NUDT4: variants seen among roughly 807,000 people sequenced by gnomAD.
NUDT4 encodes diphosphoinositol polyphosphate phosphohydrolase 2.
In NUDT4, 5 loss-of-function variants were observed where a neutral mutation model predicts 23.1. The observed-to-expected ratio is 0.22, with a 90% confidence interval of 0.11 to 0.46. The LOEUF (loss-of-function observed/expected upper bound fraction) is 0.46, where lower values mean the gene tolerates loss of function less well. NUDT4 is among the 20% of genes least tolerant of loss of function. The probability of loss-of-function intolerance (pLI) is 0.99; values close to 1 mark genes in which losing one functional copy is unlikely to be tolerated. For missense variants in NUDT4, 96 were observed against 211.6 expected (o/e 0.45, Z 3.39); for synonymous variants, 50 against 79.0 (o/e 0.63, Z 1.95).
rs143224582 is a variant in NUDT4, at chr12:93,391,868, A to C, written c.100-2741A>C. Among the ~76,000 whole-genome samples the C allele has an allele frequency of 4.3e-3, 658 of 152,168 alleles. 7 individuals are homozygous for C. Among genetic ancestry groups the C allele is most frequent in the African/African-American group, 0.015 (637 of 41,490 alleles). Reference sequence around the variant, plus strand: ...ATAATTTTGTGGACACTTTTGTTCAAATTGACTTATTTATTTTTATTTTTT... The same window carrying C: ...ATAATTTTGTGGACACTTTTGTTCACATTGACTTATTTATTTTTATTTTTT... On this transcript the variant is annotated intron_variant, in intron 1 of 4. Transcript: ENST00000415493.
chr12:93,384,916 C>T (rs1443768256), intron 1 of NUDT4, among the ~76,000 whole-genome samples: 1 of 152,186 alleles, frequency 6.6e-6, no homozygotes. Context: ...GCCATCACGC[C>T]TGGCTAATTT....
At chr12:93,378,675 C>T (rs1875394463) in intron 1 of NUDT4, 1 of 1,171,556 alleles carries the variant, frequency 8.5e-7, no homozygotes, top group South Asian at 3.8e-5. Flanking sequence ...GCCTGGTCCC[C>T]GGGAAGGTCC....
At chr12:93,380,219 A>G (rs928262052) in intron 1 of NUDT4, among the ~76,000 whole-genome samples, 1 of 152,202 alleles carries the variant, frequency 6.6e-6, no homozygotes, top group Admixed American at 6.5e-5. Context: ...TGTTGCCATA[A>G]TGTGAACTTG....
At chr12:93,380,562 A>T (rs1242748297) in intron 1 of NUDT4, among the ~76,000 whole-genome samples, 2 of 152,228 alleles carry the variant, frequency 1.3e-5, no homozygotes, top group African/African-American at 2.4e-5. Flanking sequence ...AGAGTGAGTC[A>T]TCTTGTTAGA....
intron 2 of NUDT4, 47 bp downstream of exon 2, chr12:93,394,766 A>AG (rs1245922628): frequency 4.0e-6 from 5 of 1,235,252 alleles, no homozygotes; most frequent in Non-Finnish European, 5.8e-6. Context: ...TTTAAAAACA[A>AG]GGCCCTTTGC....
chr12:93,404,699 A>T lies in NUDT4; in HGVS notation c.*5320A>T, dbSNP rs1877703605. ...ACTACTAGACAGAACTACCTGTTTTATGCATGTATTGGCATACACTGAAAA... is the reference window on the plus strand; with the variant it reads ...ACTACTAGACAGAACTACCTGTTTTTTGCATGTATTGGCATACACTGAAAA... On this transcript the variant is annotated 3_prime_UTR_variant, in exon 5 of 5. Transcript: ENST00000415493. 2 of 152,244 alleles carry T rather than the reference A, an allele frequency of 1.3e-5. No individual in the cohort carries two copies. The highest frequency in any genetic ancestry group is 4.1e-4 in the South Asian group (2 of 4,836). 9.4% of individuals were successfully genotyped at this position (152,244 alleles called of 1,614,324 possible).
Position 93,398,791 on chromosome 12 carries a change from A to G in NUDT4, c.276A>G (p.Arg92=). The G allele has an allele frequency of 6.2e-7, 1 of 1,606,678 alleles. No homozygotes were observed. Among genetic ancestry groups the G allele is most frequent in the East Asian group, 2.2e-5 (1 of 44,814 alleles). The change falls in exon 4 of 5, where the codon AGA becomes AGG. Residue 92 remains arginine (R), a synonymous_variant. Transcript: ENST00000415493. ...GIFENQDRKH[R]TYVYVLTVTE... ...AGCAGAACCAAGACCGAAAGCACAG[A>G]ACATATGTTTATGTTCTAACAGTCA...
At chr12:93,394,091 C>G (rs1265032453) in intron 1 of NUDT4, among the ~76,000 whole-genome samples, 1 of 152,038 alleles carries the variant, frequency 6.6e-6, no homozygotes, top group Admixed American at 6.6e-5. Context: ...CAACCTCCAC[C>G]TCCTGGGTTC....
chr12:93,386,889 T>C (rs894166448), intron 1 of NUDT4, among the ~76,000 whole-genome samples: 4 of 152,144 alleles, frequency 2.6e-5, no homozygotes, highest in Non-Finnish European at 4.4e-5. Context: ...CACCTTCTTA[T>C]TAATTTTGGC....
At chr12:93,391,308 T>C (rs778837036) in intron 1 of NUDT4, among the ~76,000 whole-genome samples, 1 of 152,002 alleles carries the variant, frequency 6.6e-6, no homozygotes, top group Non-Finnish European at 1.5e-5. Flanking sequence ...CTTACTCCTG[T>C]AATCCCAGCA....
chr12:93,394,995 C>T (rs996763289), intron 2 of NUDT4, among the ~76,000 whole-genome samples: 10 of 151,824 alleles, frequency 6.6e-5, no homozygotes, highest in Non-Finnish European at 1.3e-4. Flanking sequence ...ATTACAGGCA[C>T]GTGCCACCGC....
intron 1 of NUDT4, 22 bp downstream of exon 1, chr12:93,378,443 G>A (rs756880514): frequency 5.2e-6 from 8 of 1,532,176 alleles, no homozygotes; most frequent in South Asian, 4.9e-5. Flanking sequence ...GGCGCCGCAC[G>A]CTGCCCTCCG....
rs1423301220 is a variant in NUDT4 at position 93,404,371 on chromosome 12, G to GTT, written c.*4993_*4994insTT. Reference sequence around the variant, plus strand: ...TACAGTCATTAGAAATGACATTTGCGTAAGGATCTGAGTGGAAACTGATAC... The same window carrying GTT: ...TACAGTCATTAGAAATGACATTTGCGTTTAAGGATCTGAGTGGAAACTGATAC... On this transcript the variant is annotated 3_prime_UTR_variant, in exon 5 of 5. Coordinates refer to ENST00000415493, the MANE Select transcript of NUDT4 (RefSeq NM_019094.6). 1 of 152,214 alleles carries GTT rather than the reference G, an allele frequency of 6.6e-6. No homozygotes were observed. Among genetic ancestry groups the GTT allele is most frequent in the Non-Finnish European group, 1.5e-5 (1 of 68,038 alleles). 9.4% of individuals were successfully genotyped at this position (152,214 alleles called of 1,614,324 possible).
At chr12:93,378,878 A>C in intron 1 of NUDT4, 1 of 741,210 alleles carries the variant, frequency 1.3e-6, no homozygotes, top group Non-Finnish European at 1.6e-6. Flanking sequence ...CGATCTAAGC[A>C]TGTTTGTGGA....
intron 1 of NUDT4, among the ~76,000 whole-genome samples, chr12:93,392,028 A>G (rs1184342726): frequency 2.0e-5 from 3 of 151,046 alleles, no homozygotes; most frequent in Non-Finnish European, 4.4e-5. Context: ...GGACTACAGG[A>G]ATGTGCTACC....
At chr12:93,386,281 A>T (rs1446086156) in intron 1 of NUDT4, among the ~76,000 whole-genome samples, 1 of 151,946 alleles carries the variant, frequency 6.6e-6, no homozygotes, top group Non-Finnish European at 1.5e-5. Flanking sequence ...CCTATAGAAG[A>T]TATTAATAGT....
At chr12:93,393,115 G>T (rs1276384242) in intron 1 of NUDT4, among the ~76,000 whole-genome samples, 1 of 128,876 alleles carries the variant, frequency 7.8e-6, no homozygotes, top group Non-Finnish European at 1.6e-5. Flanking sequence ...TTTTCCCCGA[G>T]ATGGAGTCTT....
chr12:93,405,586 A>G lies in NUDT4; in HGVS notation c.*6207A>G, dbSNP rs1358419437. The G allele has an allele frequency of 6.8e-6, 1 of 146,900 alleles. No homozygotes were observed. Among genetic ancestry groups the G allele is most frequent in the Non-Finnish European group, 1.5e-5 (1 of 66,546 alleles). 9.1% of individuals were successfully genotyped at this position (146,900 alleles called of 1,614,324 possible). On this transcript the variant is annotated 3_prime_UTR_variant, in exon 5 of 5. Transcript: ENST00000415493. ...TGGCAGCTAATGGCAAGTTAGTACCATAAAGCCAACTCTTGGAATATACCT... is the reference window on the plus strand; with the variant it reads ...TGGCAGCTAATGGCAAGTTAGTACCGTAAAGCCAACTCTTGGAATATACCT...
At chr12:93,392,575 T>G (rs1223622866) in intron 1 of NUDT4, among the ~76,000 whole-genome samples, 1 of 146,528 alleles carries the variant, frequency 6.8e-6, no homozygotes, top group Admixed American at 6.9e-5. Context: ...ATTTAAAAGA[T>G]GGGTATGTAA....
Sources: allele counts gnomAD v4.1 joint callset (sites outside exome capture counted in the v4.1 genomes callset), GRCh38; gene constraint gnomAD v4.1.1; transcripts MANE v1.5; gene names NCBI Gene and HGNC (gene_info 2026-07-23, HGNC 2026-07-21).